Variants in HPCAL1 observed in about 807,000 individuals in gnomAD.
The protein encoded by HPCAL1 is hippocalcin like 1, also known as hippocalcin-like protein 1.
A neutral mutation model predicts 17.1 loss-of-function variants in HPCAL1; 8 were observed. That is an observed-to-expected ratio of 0.47 (90% CI 0.27 to 0.84). The LOEUF is 0.84. HPCAL1 is among the 40% of genes least tolerant of loss of function. The pLI is 0.13. For missense variants in HPCAL1, 165 were observed against 271.1 expected (o/e 0.61, Z 2.75); for synonymous variants, 112 against 111.4 (o/e 1.01, Z -0.03).
intron 1 of HPCAL1, among the ~76,000 whole-genome samples, chr2:10,392,936 T>C (rs1308141042): frequency 1.3e-5 from 2 of 152,236 alleles, no homozygotes; most frequent in Non-Finnish European, 2.9e-5. Flanking sequence ...TGTCCCCTTC[T>C]GGGGCTTTCA....
intron 2 of HPCAL1, among the ~76,000 whole-genome samples, chr2:10,405,424 T>G (rs900592050): frequency 3.3e-5 from 5 of 152,126 alleles, no homozygotes; most frequent in African/African-American, 9.7e-5. Context: ...CCATGGCCCC[T>G]CCAGGGCGTG....
intron 2 of HPCAL1, chr2:10,408,596 C>G (rs554836079): frequency 2.6e-5 from 4 of 152,268 alleles, no homozygotes; most frequent in Non-Finnish European, 5.9e-5. Context: ...GAAGGAGGAA[C>G]CTTTTCCTTC....
intron 1 of HPCAL1, among the ~76,000 whole-genome samples, chr2:10,385,055 G>A (rs547210166): frequency 1.3e-4 from 19 of 151,208 alleles, no homozygotes; most frequent in East Asian, 3.9e-4. Flanking sequence ...GGGAGGTGAA[G>A]GTTGCAGTGA....
chr2:10,360,291 G>T (rs1216798713), intron 1 of HPCAL1, among the ~76,000 whole-genome samples: 1 of 152,248 alleles, frequency 6.6e-6, no homozygotes, highest in African/African-American at 2.4e-5. Flanking sequence ...GCCTTGGAGA[G>T]TCCCTGAGGT....
chr2:10,391,034 G>A (rs748759012), intron 1 of HPCAL1, among the ~76,000 whole-genome samples: 1 of 152,196 alleles, frequency 6.6e-6, no homozygotes. Context: ...CTGCCTACCC[G>A]ATGCCCAGCA....
rs1665299492 is a variant in HPCAL1 at position 10,344,718 on chromosome 2, T to C, written c.-111+41541T>C. On this transcript the variant is annotated intron_variant, in intron 1 of 4. Coordinates refer to ENST00000307845, the MANE Select transcript of HPCAL1 (RefSeq NM_002149.4). This position sits in a 1 kb window ranked among gnomAD's most constrained non-coding sequence, Gnocchi z 4.9. The stretch of plus-strand genomic sequence containing the variant: ...CTCTGTCTCTGTCTCTTTCTCTGTG[T>C]CTGTCTGTCTGTCTCTATGTGTCTG... Among the ~76,000 whole-genome samples, 1 of 152,160 alleles carries C rather than the reference T, an allele frequency of 6.6e-6. No homozygotes were observed. The highest frequency in any genetic ancestry group is 2.1e-4 in the South Asian group (1 of 4,832).
rs559698618 is a variant in HPCAL1 at position 10,342,647 on chromosome 2, C to A, written c.-111+39470C>A. 2.6e-5 allele frequency among the ~76,000 whole-genome samples: 4 copies of A among 152,304 alleles called. No homozygotes were observed. The highest frequency in any genetic ancestry group is 4.4e-5 in the Non-Finnish European group (3 of 68,030). ...TGTGCAGAGGTGCTGGCTGGAGGAA[C>A]CCCGTGTGTTTGCACTGTGCTCTGA... On this transcript the variant is annotated intron_variant, in intron 1 of 4. Coordinates refer to ENST00000307845, the MANE Select transcript of HPCAL1 (RefSeq NM_002149.4). The surrounding 1 kb of genome is among the most constrained non-coding windows in gnomAD (Gnocchi z 4.1).
In HPCAL1 at chr2:10,377,934, G is replaced by A. The variant is rs778586176; in HGVS notation, c.-110-18901G>A. Among the ~76,000 whole-genome samples the A allele has an allele frequency of 6.6e-6, 1 of 152,206 alleles. No homozygotes were observed. Among genetic ancestry groups the A allele is most frequent in the Non-Finnish European group, 1.5e-5 (1 of 68,028 alleles). On this transcript the variant is annotated intron_variant, in intron 1 of 4. Coordinates refer to ENST00000307845, the MANE Select transcript of HPCAL1 (RefSeq NM_002149.4). This position sits in a 1 kb window ranked among gnomAD's most constrained non-coding sequence, Gnocchi z 5.9. ...GAGAGTGCAAGGAGGCGGCGAAGAT[G>A]CTGGTTGAGGGCACGGGTGAGGCGG... is the stretch of plus-strand genomic sequence containing the variant.
intron 1 of HPCAL1, among the ~76,000 whole-genome samples, chr2:10,364,807 A>G (rs1271962375): frequency 6.7e-6 from 1 of 149,934 alleles, no homozygotes; most frequent in Non-Finnish European, 1.5e-5. Context: ...CTGGTCTTGA[A>G]CTCCTGGGCT....
intron 1 of HPCAL1, among the ~76,000 whole-genome samples, chr2:10,317,047 G>C (rs536167521): frequency 6.6e-6 from 1 of 152,304 alleles, no homozygotes; most frequent in Non-Finnish European, 1.5e-5. Flanking sequence ...CCTATCACTG[G>C]AGACAGGTAG....
At chr2:10,327,516 C>T (rs1018635273) in intron 1 of HPCAL1, among the ~76,000 whole-genome samples, 3 of 152,166 alleles carry the variant, frequency 2.0e-5, no homozygotes, top group African/African-American at 4.8e-5. Context: ...CCTGGTAAGG[C>T]TATTGTCAGG....
chr2:10,326,831 A>G (rs1664049357), intron 1 of HPCAL1, among the ~76,000 whole-genome samples: 1 of 152,124 alleles, frequency 6.6e-6, no homozygotes, highest in Non-Finnish European at 1.5e-5. Flanking sequence ...GCTCGCTGAC[A>G]GATGCCGAGG....
chr2:10,383,087 A>G (rs143795686), intron 1 of HPCAL1, among the ~76,000 whole-genome samples: 9 of 152,324 alleles, frequency 5.9e-5, no homozygotes, highest in African/African-American at 2.2e-4. Flanking sequence ...CAAAAGGTGA[A>G]TCTGGCTGGG....
At chr2:10,391,535 G>A in intron 1 of HPCAL1, among the ~76,000 whole-genome samples, 1 of 152,126 alleles carries the variant, frequency 6.6e-6, no homozygotes, top group Non-Finnish European at 1.5e-5. Flanking sequence ...TCACTTGTAT[G>A]TGCAATTATC....
chr2:10,407,386 A>G (rs776239140), intron 2 of HPCAL1, among the ~76,000 whole-genome samples: 22 of 152,196 alleles, frequency 1.4e-4, no homozygotes, highest in Non-Finnish European at 8.8e-5. Flanking sequence ...GGGATCCTAG[A>G]AAAAGAACCA....
intron 1 of HPCAL1, among the ~76,000 whole-genome samples, chr2:10,312,733 G>GCTGTCATCACCATTCACCATCA (rs1472289950): frequency 6.7e-6 from 1 of 149,994 alleles, no homozygotes; most frequent in Non-Finnish European, 1.5e-5. Flanking sequence ...CACCATCATT[G>GCTGTCATCACCATTCACCATCA]CTGTCATCAC....
chr2:10,399,988 T>G (rs1330475448), intron 2 of HPCAL1, among the ~76,000 whole-genome samples: 1 of 152,106 alleles, frequency 6.6e-6, no homozygotes, highest in African/African-American at 2.4e-5. Context: ...GACAGTGAAC[T>G]CAACAAAACA....
Position 10,325,193 on chromosome 2 carries a change from TGGAGCACACTGGTGCCGTC to T in HPCAL1, c.-111+22036_-111+22054del, listed in dbSNP as rs377272820. Among the ~76,000 whole-genome samples the T allele has an allele frequency of 7.0e-4, 106 of 152,188 alleles. 1 individual carries two copies. Among genetic ancestry groups the T allele is most frequent in the African/African-American group, 2.1e-3 (88 of 41,518 alleles). The stretch of plus-strand genomic sequence containing the variant: ...GAGGGTCTCGCTCTGTGGCCCAGGC[TGGAGCACACTGGTGCCGTC>T]GGAGCACACTGGTGCCGTCATAGCT... On this transcript the variant is annotated intron_variant, in intron 1 of 4. Coordinates refer to ENST00000307845, the MANE Select transcript of HPCAL1 (RefSeq NM_002149.4).
intron 2 of HPCAL1, among the ~76,000 whole-genome samples, chr2:10,412,457 T>C (rs1284727167): frequency 1.3e-5 from 2 of 152,200 alleles, no homozygotes; most frequent in African/African-American, 4.8e-5. Context: ...GATAGTCTGC[T>C]TCCAGGTGCC....
Sources: allele counts gnomAD v4.1 joint callset (sites outside exome capture counted in the v4.1 genomes callset), GRCh38; gene constraint gnomAD v4.1.1; non-coding constraint Gnocchi (gnomAD v3.1); transcripts MANE v1.5; gene names NCBI Gene and HGNC (gene_info 2026-07-23, HGNC 2026-07-21).